Variants in SPEG observed in about 807,000 individuals in gnomAD.
SPEG encodes striated muscle preferentially expressed protein kinase.
A neutral mutation model predicts 300.4 loss-of-function variants in SPEG; 114 were observed. The ratio of observed to expected loss-of-function variants is 0.38; its 90% CI spans 0.33 to 0.44. The LOEUF is 0.44. SPEG is among the 20% of genes least tolerant of loss of function. The pLI is 1.00. For synonymous variants in SPEG, 1,964 were observed against 2,018.9 expected, an observed-to-expected ratio of 0.97 and a Z score of 0.73; for missense variants, 4,201 against 4,586.2, an observed-to-expected ratio of 0.92 and a Z score of 2.43.
rs764630815 is a variant in SPEG, at chr2:219,472,275, C to T, written c.3884C>T (p.Thr1295Met). Reference protein sequence around the residue: ...PDGAPQVVAVTGRMVTLTWNP... With the variant: ...PDGAPQVVAVMGRMVTLTWNP... The stretch of plus-strand genomic sequence containing the variant: ...GGCGCCCCGCAGGTGGTGGCTGTGA[C>T]GGGGAGGATGGTCACACTCACATGG... The change falls in exon 15 of 41, where the codon ACG becomes ATG. Residue 1295 changes from threonine to methionine, a missense_variant. This residue lies in a region of SPEG where 1,047 missense variants were observed against 1,356.8 expected (regional missense o/e 0.77). Transcript: ENST00000312358. 4.3e-6 allele frequency: 7 copies of T among 1,613,840 alleles called. No homozygotes were observed. Among genetic ancestry groups the T allele is most frequent in the East Asian group, 2.2e-5 (1 of 44,884 alleles).
chr2:219,461,767 AG>A, intron 6 of SPEG, 114 bp from the exon 7 acceptor site: 1 of 1,144,884 alleles, frequency 8.7e-7, no homozygotes, highest in Non-Finnish European at 1.3e-6. Context: ...AAGTCAGGGC[AG>A]GGCCGGCCTG....
At chr2:219,474,574 A>T (rs1692175080) in intron 18 of SPEG, among the ~76,000 whole-genome samples, 1 of 152,108 alleles carries the variant, frequency 6.6e-6, no homozygotes, top group East Asian at 1.9e-4. Context: ...CCTAATAAGT[A>T]CAGGAGCTGG....
rs1179324219 is a variant in SPEG at position 219,484,851 on chromosome 2, G to A, written c.7388G>A (p.Arg2463Gln). ...MRRRLSFTLERLSSRLQRSGS... is the reference protein window; with the variant it reads ...MRRRLSFTLEQLSSRLQRSGS... Reference sequence around the variant, plus strand: ...AGGCGGCTGAGCTTCACCCTGGAGCGGCTGTCCAGCCGATTGCAGCGCAGT... The same window carrying A: ...AGGCGGCTGAGCTTCACCCTGGAGCAGCTGTCCAGCCGATTGCAGCGCAGT... Residue 2463 changes from arginine to glutamine, a missense_variant, in exon 30 of 41, where the codon CGG (arginine) becomes CAG (glutamine). Arg to Gln is a conservative substitution (Grantham distance 43). This residue lies in a region of SPEG where 1,578 missense variants were observed against 1,506.0 expected (regional missense o/e 1.05). Transcript: ENST00000312358. The A allele has an allele frequency of 1.3e-6, 2 of 1,519,800 alleles. No individual in the cohort carries two copies. The highest frequency in any genetic ancestry group is 2.0e-5 in the Admixed American group (1 of 49,960). 94.1% of individuals were successfully genotyped at this position (1,519,800 alleles called of 1,614,324 possible).
chr2:219,478,765 C>T (rs1253326894), intron 22 of SPEG, among the ~76,000 whole-genome samples: 3 of 152,158 alleles, frequency 2.0e-5, no homozygotes, highest in Non-Finnish European at 4.4e-5. Flanking sequence ...AGGTCATTCT[C>T]AAATAGAGTC....
intron 18 of SPEG, among the ~76,000 whole-genome samples, chr2:219,475,381 C>T (rs1421416620): frequency 3.9e-5 from 6 of 152,156 alleles, no homozygotes; most frequent in African/African-American, 7.2e-5. Flanking sequence ...TGAAACTTTC[C>T]GGTGCTTTGA....
intron 1 of SPEG, chr2:219,442,055 A>G: frequency 1.7e-6 from 2 of 1,182,270 alleles, no homozygotes; most frequent in Non-Finnish European, 1.1e-6. Context: ...CCCGCCATGA[A>G]GAAGCTGTGG....
At chr2:219,469,508 G>C (rs1241249900) in intron 13 of SPEG, 129 bp downstream of exon 13, 1 of 762,890 alleles carries the variant, frequency 1.3e-6, no homozygotes, top group East Asian at 2.7e-5. Flanking sequence ...GTGCCTGGGG[G>C]AAGGGAACCC....
In SPEG at chr2:219,471,676, C is replaced by T. The variant is rs146342895; in HGVS notation, c.3716-192C>T. ...GCAGATGTAGACTTGGAAGCCAGCC[C>T]GGGCCCAGACCCAGACTTTGCTGCA... On this transcript the variant is annotated intron_variant, in intron 13 of 40. Coordinates refer to ENST00000312358, the MANE Select transcript of SPEG (RefSeq NM_005876.5). 5,330 of 649,838 alleles carry T rather than the reference C, an allele frequency of 8.2e-3. 36 individuals carry two copies. Among genetic ancestry groups the T allele is most frequent in the Non-Finnish European group, 0.011 (4,410 of 383,678 alleles). 40.3% of individuals were successfully genotyped at this position (649,838 alleles called of 1,614,324 possible). A position where few individuals can be genotyped will look rare whatever the true frequency, so the allele number is the denominator to read the frequency against.
rs1451238921 is a variant in SPEG, at chr2:219,469,017, G to A, written c.3460G>A (p.Glu1154Lys). ...CCACTGCTCAGCCCAGCTGTATGTAGAAGAGCCCCGGACAGCCGCCTCAGG... is the reference window on the plus strand; with the variant it reads ...CCACTGCTCAGCCCAGCTGTATGTAAAAGAGCCCCGGACAGCCGCCTCAGG... Reference protein sequence around the residue: ...QAHCSAQLYVEEPRTAASGPS... With the variant: ...QAHCSAQLYVKEPRTAASGPS... Residue 1154 changes from glutamate (E) to lysine (K), a missense_variant, in exon 12 of 41, where the codon GAA becomes AAA. Glu to Lys is a moderately conservative substitution (Grantham distance 56). Around this residue, in one of 4 missense-constraint regions of SPEG, gnomAD observed 1,047 missense variants for 1,356.8 expected, o/e 0.77. Transcript: ENST00000312358. The A allele has an allele frequency of 6.2e-7, 1 of 1,613,552 alleles. No homozygotes were observed. The highest frequency in any genetic ancestry group is 1.1e-5 in the South Asian group (1 of 91,074).
In SPEG at chr2:219,480,205, G is replaced by C; in HGVS notation, c.5342+65G>C. On this transcript the variant is annotated intron_variant, in intron 25 of 40. Transcript: ENST00000312358. This position sits in a 1 kb window ranked among gnomAD's most constrained non-coding sequence, Gnocchi z 5.3. ...GCCCTTGGGGCTGTGCTGGGGACGC[G>C]CTCACTGGCAGGGAGATTTACCGAG... The C allele has an allele frequency of 6.6e-7, 1 of 1,523,874 alleles. No homozygotes were observed. The highest frequency in any genetic ancestry group is 9.0e-7 in the Non-Finnish European group (1 of 1,109,220). The allele number at this position is 1,523,874 out of a possible 1,614,324, so 94.4% of individuals were successfully genotyped here. A position where few individuals can be genotyped will look rare whatever the true frequency, so the allele number is the denominator to read the frequency against.
In SPEG at chr2:219,477,569, C is replaced by G; in HGVS notation, c.4730-120C>G. On this transcript the variant is annotated intron_variant, in intron 20 of 40. Coordinates refer to ENST00000312358, the MANE Select transcript of SPEG (RefSeq NM_005876.5). This position sits in a 1 kb window ranked among gnomAD's most constrained non-coding sequence, Gnocchi z 6.4. ...CCACCACACCCCCAGCCCAGCACCC[C>G]GCCTTGAGCCCCCAACATTCTTGCA... is the stretch of plus-strand genomic sequence containing the variant. The G allele has an allele frequency of 7.4e-7, 1 of 1,353,736 alleles. No individual in the cohort carries two copies. Among genetic ancestry groups the G allele is most frequent in the Non-Finnish European group, 1.0e-6 (1 of 997,934 alleles). The allele number at this position is 1,353,736 out of a possible 1,614,324, so 83.9% of individuals were successfully genotyped here. A position where few individuals can be genotyped will look rare whatever the true frequency, so the allele number is the denominator to read the frequency against.
chr2:219,443,577 CA>C lies in SPEG; in HGVS notation c.389-1075del. ...CTGGGCATTTTTGAGGACGATTCAA[CA>C]GTAGAAGGGAGGGACCTTGAGGAAG... On this transcript the variant is annotated intron_variant, in intron 1 of 40. Transcript: ENST00000312358. The surrounding 1 kb of genome is among the most constrained non-coding windows in gnomAD (Gnocchi z 4.6). The C allele has an allele frequency of 3.5e-6, 1 of 285,878 alleles. No individual in the cohort carries two copies. The highest frequency in any genetic ancestry group is 6.9e-6 in the Non-Finnish European group (1 of 145,800). The allele number at this position is 285,878 out of a possible 1,614,324, so 17.7% of individuals were successfully genotyped here.
Position 219,488,855 on chromosome 2 carries a change from G to A in SPEG, c.8104G>A (p.Asp2702Asn), listed in dbSNP as rs781648855. The change falls in exon 34 of 41, where the codon GAC (aspartate) becomes AAC (asparagine). Residue 2702 changes from aspartate to asparagine, a missense_variant. Physicochemically the swap from Asp to Asn is conservative, Grantham distance 23. This residue lies in a region of SPEG where 1,578 missense variants were observed against 1,506.0 expected (regional missense o/e 1.05). Coordinates refer to ENST00000312358, the MANE Select transcript of SPEG (RefSeq NM_005876.5). Reference sequence around the variant, plus strand: ...GGCGCTGGTGCTGTGGAAGCCGGGAGACAGCCGGGCACCTTGCACGTATAC... The same window carrying A: ...GGCGCTGGTGCTGTGGAAGCCGGGAAACAGCCGGGCACCTTGCACGTATAC... Reference protein sequence around the residue: ...DTALVLWKPGDSRAPCTYTLE... With the variant: ...DTALVLWKPGNSRAPCTYTLE... The A allele has an allele frequency of 5.0e-6, 8 of 1,588,246 alleles. No individual in the cohort carries two copies. The African/African-American group carries it at 6.7e-5, about 13-fold the overall frequency.
chr2:219,475,451 G>T (rs959562020), intron 18 of SPEG, among the ~76,000 whole-genome samples: 1 of 152,214 alleles, frequency 6.6e-6, no homozygotes, highest in Non-Finnish European at 1.5e-5. Context: ...CTAGAGGCGA[G>T]GGGAGGCGTC....
chr2:219,464,295 C>T lies in SPEG; in HGVS notation c.2706-138C>T. ...ACCTAGCCCTGGAAACCAGGGATGC[C>T]CACGGTCAGTGGGACAGATCTGGGG... On this transcript the variant is annotated intron_variant, in intron 8 of 40. Transcript: ENST00000312358. This position sits in a 1 kb window ranked among gnomAD's most constrained non-coding sequence, Gnocchi z 4.5. 1.1e-6 allele frequency: 1 copy of T among 951,708 alleles called. No individual in the cohort carries two copies. Among genetic ancestry groups the T allele is most frequent in the East Asian group, 2.5e-5 (1 of 39,702 alleles). 59.0% of individuals were successfully genotyped at this position (951,708 alleles called of 1,614,324 possible).
At chr2:219,478,866 C>G (rs1354376301) in intron 22 of SPEG, among the ~76,000 whole-genome samples, 14 of 152,152 alleles carry the variant, frequency 9.2e-5, no homozygotes. Flanking sequence ...ATGTTATTCC[C>G]ATATTACTCC....
intron 3 of SPEG, among the ~76,000 whole-genome samples, 190 bp from the exon 4 acceptor site, chr2:219,447,784 G>T (rs982839960): frequency 2.6e-5 from 4 of 151,474 alleles, no homozygotes; most frequent in African/African-American, 9.7e-5. Context: ...TTCCAGAGCC[G>T]CCGGCCTCTC....
At chr2:219,460,483 C>T in intron 6 of SPEG, 1 of 985,454 alleles carries the variant, frequency 1.0e-6, no homozygotes, top group Non-Finnish European at 1.2e-6. Flanking sequence ...TCCCTATTGG[C>T]ACAGCGCAGT....
Position 219,444,805 on chromosome 2 carries a change from C to T in SPEG, c.479-20C>T. 6.2e-7 allele frequency: 1 copy of T among 1,607,132 alleles called. No homozygotes were observed. Among genetic ancestry groups the T allele is most frequent in the Non-Finnish European group, 8.5e-7 (1 of 1,175,878 alleles). ...TTTTCCATAAGGGGTGCCTCAGTCT[C>T]ACGGTGCTCCTTTCTCTAGGGGGTT... is the stretch of plus-strand genomic sequence containing the variant. On this transcript the variant is annotated intron_variant, in intron 2 of 40. Transcript: ENST00000312358. The surrounding 1 kb of genome is among the most constrained non-coding windows in gnomAD (Gnocchi z 7.8).
Sources: allele counts gnomAD v4.1 joint callset (sites outside exome capture counted in the v4.1 genomes callset), GRCh38; gene constraint gnomAD v4.1.1; regional missense constraint gnomAD v4.1.1; non-coding constraint Gnocchi (gnomAD v3.1); transcripts MANE v1.5; gene names NCBI Gene and HGNC (gene_info 2026-07-23, HGNC 2026-07-21).